Variants in PHACTR3 observed in about 807,000 individuals in gnomAD.
The protein encoded by PHACTR3 is protein phosphatase 1, regulatory subunit 123.
Under a neutral mutation model 66.8 loss-of-function variants are expected in PHACTR3, and 16 were observed. That is an observed-to-expected ratio of 0.24 (90% CI 0.16 to 0.36). PHACTR3 has a LOEUF of 0.36. Ranked by LOEUF, PHACTR3 falls within the 10% of genes least tolerant of loss-of-function variation. The pLI, the probability that PHACTR3 is intolerant of heterozygous loss-of-function variation, is 1.00. For synonymous variants in PHACTR3, 323 were observed against 292.1 expected (o/e 1.11, Z -1.08); for missense variants, 647 against 719.9 (o/e 0.90, Z 1.16).
chr20:59,600,486 T>G (rs1052931758), upstream of PHACTR3, among the ~76,000 whole-genome samples: 1 of 152,034 alleles, frequency 6.6e-6, no homozygotes, highest in Non-Finnish European at 1.5e-5. Flanking sequence ...ACTTGGGAGG[T>G]GTGTGGGGGT....
chr20:59,695,919 T>C (rs769494989), intron 1 of PHACTR3, among the ~76,000 whole-genome samples: 16 of 152,030 alleles, frequency 1.1e-4, no homozygotes, highest in Non-Finnish European at 1.9e-4. Context: ...GTTTACTAGA[T>C]CCAGGGTTTC....
At chr20:59,628,639 AG>A in intron 1 of PHACTR3, 3 of 985,360 alleles carry the variant, frequency 3.0e-6, no homozygotes, top group Non-Finnish European at 3.6e-6. Context: ...AGTACGGGAG[AG>A]GATCAGTTCA....
Position 59,806,165 on chromosome 20 carries a change from C to G in PHACTR3, c.1299C>G (p.Ile433Met). The G allele has an allele frequency of 6.2e-7, 1 of 1,614,190 alleles. No individual in the cohort carries two copies. Among genetic ancestry groups the G allele is most frequent in the Non-Finnish European group, 8.5e-7 (1 of 1,180,034 alleles). ...PRRTDEERQE[I>M]RQQIEMKLSK... is the part of the protein sequence containing the mutation. ...GGACTGATGAAGAAAGACAGGAGATCCGGCAGCAGATCGAGATGAAGCTTT... is the reference window on the plus strand; with the variant it reads ...GGACTGATGAAGAAAGACAGGAGATGCGGCAGCAGATCGAGATGAAGCTTT... Residue 433 changes from isoleucine (I) to methionine (M), a missense_variant, in exon 8 of 13, where the codon ATC (isoleucine) becomes ATG (methionine). Physicochemically the swap from Ile to Met is conservative, Grantham distance 10 (BLOSUM62 1). Coordinates refer to ENST00000371015, the MANE Select transcript of PHACTR3 (RefSeq NM_080672.5).
Position 59,738,609 on chromosome 20 carries a change from C to T in PHACTR3, c.119-4498C>T, listed in dbSNP as rs2039037549. Among the ~76,000 whole-genome samples the T allele has an allele frequency of 6.6e-6, 1 of 152,100 alleles. No homozygotes were observed. The highest frequency in any genetic ancestry group is 1.5e-5 in the Non-Finnish European group (1 of 68,000). On this transcript the variant is annotated intron_variant, in intron 1 of 12. Transcript: ENST00000371015. This position sits in a 1 kb window ranked among gnomAD's most constrained non-coding sequence, Gnocchi z 4.4. ...CTTGGCTGCTAGGAAGCTCAGGGCA[C>T]ACAAATACCCTCCTCTGGAGCCCGT...
rs1346300950 is a variant in PHACTR3, at chr20:59,604,987, C to T, written c.-28C>T. 3.2e-5 allele frequency: 41 copies of T among 1,284,976 alleles called. No homozygotes were observed. Among genetic ancestry groups the T allele is most frequent in the Non-Finnish European group, 4.0e-5 (40 of 1,009,938 alleles). 79.6% of individuals were successfully genotyped at this position (1,284,976 alleles called of 1,614,324 possible). A position where few individuals can be genotyped will look rare whatever the true frequency, so the allele number is the denominator to read the frequency against. On this transcript the variant is annotated 5_prime_UTR_variant, in exon 1 of 13. Transcript: ENST00000371015. The stretch of plus-strand genomic sequence containing the variant: ...ATGCTCTGATTCCACGCGGCTCGCT[C>T]TAACTTGCCCCCGCGCCGGCCGGGC...
At chr20:59,844,384 C>G (rs761779261) in intron 11 of PHACTR3, 2 of 152,010 alleles carry the variant, frequency 1.3e-5, no homozygotes, top group Non-Finnish European at 2.9e-5. Flanking sequence ...GCATTATTAA[C>G]AATAGCCAAG....
intron 1 of PHACTR3, among the ~76,000 whole-genome samples, chr20:59,638,021 G>T (rs866935583): frequency 1.4e-4 from 21 of 152,200 alleles, no homozygotes; most frequent in African/African-American, 4.8e-4. Flanking sequence ...TACATGGCCA[G>T]GGTCTGAATC....
chr20:59,769,422 G>A (rs1258472631), intron 5 of PHACTR3, among the ~76,000 whole-genome samples: 6 of 152,228 alleles, frequency 3.9e-5, no homozygotes, highest in Non-Finnish European at 7.3e-5. Context: ...TGGGACTGAT[G>A]CATCCACAGA....
At chr20:59,618,416 G>T (rs2034111662) in intron 1 of PHACTR3, among the ~76,000 whole-genome samples, 1 of 152,200 alleles carries the variant, frequency 6.6e-6, no homozygotes, top group Non-Finnish European at 1.5e-5. Flanking sequence ...GGCCACCCCG[G>T]GTGGAAATGG....
intron 8 of PHACTR3, 119 bp from the exon 9 acceptor site, chr20:59,836,386 T>C (rs2426849): frequency 0.96 from 804,815 of 838,794 alleles, 386,265 homozygotes; most frequent in East Asian, 1. Flanking sequence ...TTTCTCTCCT[T>C]CCAATTTTGG....
chr20:59,830,229 G>A lies in PHACTR3; in HGVS notation c.1329-6276G>A, dbSNP rs1203904175. On this transcript the variant is annotated intron_variant, in intron 8 of 12. Coordinates refer to ENST00000371015, the MANE Select transcript of PHACTR3 (RefSeq NM_080672.5). The surrounding 1 kb of genome is among the most constrained non-coding windows in gnomAD (Gnocchi z 5.8). ...GTGTCTGATAGAAGAGGGCGTGAGT[G>A]TCTGATGGAAGAGGGTATGAGTGTC... Among the ~76,000 whole-genome samples the A allele has an allele frequency of 2.0e-5, 3 of 152,084 alleles. No homozygotes were observed. Among genetic ancestry groups the A allele is most frequent in the African/African-American group, 7.2e-5 (3 of 41,406 alleles).
At position 59,778,319 on chromosome 20, in the gene PHACTR3, G is replaced by A. The variant is rs1476367809; in HGVS notation, c.1174+3829G>A. Reference sequence around the variant, plus strand: ...GAATGCCACATCCTCCCTAGTGCCTGTGGCCCCACCCCATGTGGCCTGCCT... The same window carrying A: ...GAATGCCACATCCTCCCTAGTGCCTATGGCCCCACCCCATGTGGCCTGCCT... On this transcript the variant is annotated intron_variant, in intron 7 of 12. Coordinates refer to ENST00000371015, the MANE Select transcript of PHACTR3 (RefSeq NM_080672.5). Among the ~76,000 whole-genome samples, 6 of 152,236 alleles carry A rather than the reference G, an allele frequency of 3.9e-5. No individual in the cohort carries two copies. The East Asian group carries it at 9.7e-4, about 25-fold the overall frequency.
chr20:59,682,088 C>G (rs543416007), intron 1 of PHACTR3, among the ~76,000 whole-genome samples: 1 of 151,216 alleles, frequency 6.6e-6, no homozygotes, highest in East Asian at 2.0e-4. Context: ...GCCTGTAATC[C>G]CAGCATTTTG....
intron 1 of PHACTR3, among the ~76,000 whole-genome samples, chr20:59,728,624 C>T (rs1181795392): frequency 1.3e-5 from 2 of 152,072 alleles, no homozygotes; most frequent in Non-Finnish European, 2.9e-5. Flanking sequence ...TCAAAAGTGA[C>T]CTCAGCTGTC....
intron 1 of PHACTR3, among the ~76,000 whole-genome samples, chr20:59,586,893 T>C (rs1462217436): frequency 6.6e-6 from 1 of 152,216 alleles, no homozygotes; most frequent in East Asian, 1.9e-4. Context: ...TGAGCCGAAT[T>C]TGAGCCTGGA....
At chr20:59,806,429 C>T (rs915924004) in intron 8 of PHACTR3, among the ~76,000 whole-genome samples, 2 of 152,234 alleles carry the variant, frequency 1.3e-5, no homozygotes, top group East Asian at 3.9e-4. Context: ...CACACTACAC[C>T]TCCCGTGACA....
At chr20:59,737,034 T>C (rs1215448668) in intron 1 of PHACTR3, among the ~76,000 whole-genome samples, 2 of 152,146 alleles carry the variant, frequency 1.3e-5, no homozygotes, top group Non-Finnish European at 2.9e-5. Context: ...TCTTTTGAGC[T>C]GAAGACCCTC....
At chr20:59,606,740 G>A (rs768180447) in intron 1 of PHACTR3, among the ~76,000 whole-genome samples, 1 of 152,150 alleles carries the variant, frequency 6.6e-6, no homozygotes, top group African/African-American at 2.4e-5. Flanking sequence ...CTCTGTGGGT[G>A]GGAGCGGAGG....
chr20:59,842,253 CTTGCTTCT>C (rs1471863844), intron 11 of PHACTR3, among the ~76,000 whole-genome samples: 2 of 152,170 alleles, frequency 1.3e-5, no homozygotes, highest in African/African-American at 4.8e-5. Context: ...TTGTCACCTT[CTTGCTTCT>C]ATTAATTTTC....
Sources: allele counts gnomAD v4.1 joint callset (sites outside exome capture counted in the v4.1 genomes callset), GRCh38; gene constraint gnomAD v4.1.1; non-coding constraint Gnocchi (gnomAD v3.1); transcripts MANE v1.5; gene names NCBI Gene and HGNC (gene_info 2026-07-23, HGNC 2026-07-21).